Variants in HEG1 observed in about 807,000 individuals in gnomAD.
The protein encoded by HEG1 is heart development protein with EGF like domains 1, also known as protein HEG homolog 1.
A neutral mutation model predicts 125.6 loss-of-function variants in HEG1; 56 were observed. The observed-to-expected ratio is 0.45, with a 90% CI of 0.36 to 0.56. HEG1 has a LOEUF of 0.56. Among genes scored for constraint, HEG1 ranks in the 20% least tolerant of loss-of-function variants. HEG1 has a pLI of 0.00. For synonymous variants in HEG1, 644 were observed against 668.5 expected, an observed-to-expected ratio of 0.96 and a Z score of 0.57; for missense variants, 1,523 against 1,670.0, an observed-to-expected ratio of 0.91 and a Z score of 1.53.
chr3:125,050,142 CTTT>C lies in HEG1; in HGVS notation c.316+5430_316+5432del, dbSNP rs35715939. Among the ~76,000 whole-genome samples, 76 of 113,540 alleles carry C rather than the reference CTTT, an allele frequency of 6.7e-4. 2 individuals are homozygous for C. In the South Asian group the frequency reaches 0.02, roughly 30 times the overall value. 74.5% of individuals were successfully genotyped at this position (113,540 alleles called of 152,430 possible). Reference sequence around the variant, plus strand: ...TGGATGCCATTCATCCACCAACTCTCTTTTTTTTTTTTTTTTTTTGAGATGAAG... The same window carrying C: ...TGGATGCCATTCATCCACCAACTCTCTTTTTTTTTTTTTTTTGAGATGAAG... On this transcript the variant is annotated intron_variant, in intron 1 of 16. Transcript: ENST00000311127.
chr3:124,976,960 G>A (rs1219227017), intron 15 of HEG1, among the ~76,000 whole-genome samples: 1 of 152,138 alleles, frequency 6.6e-6, no homozygotes, highest in East Asian at 1.9e-4. Context: ...CATTGATATG[G>A]TTCGGCTATG....
intron 3 of HEG1, among the ~76,000 whole-genome samples, chr3:125,026,359 A>T (rs1937414556): frequency 6.6e-6 from 1 of 152,110 alleles, no homozygotes; most frequent in Admixed American, 6.6e-5. Flanking sequence ...CTGGGCAGAG[A>T]GGCATTAGAT....
chr3:125,030,927 C>T (rs907943294), intron 1 of HEG1, among the ~76,000 whole-genome samples: 8 of 152,094 alleles, frequency 5.3e-5, no homozygotes. Context: ...GGAAATAATG[C>T]TGTTGAGTAT....
At position 125,013,575 on chromosome 3, in the gene HEG1, A is replaced by AGAGGAGAAGGAGGAAGAG. The variant is rs1553777880; in HGVS notation, c.2003_2004insCTCTTCCTCCTTCTCCTC (p.Ser671_Ser672insPheSerSerSerSerSer). The AGAGGAGAAGGAGGAAGAG allele has an allele frequency of 3.2e-6, 5 of 1,577,716 alleles. No individual in the cohort carries two copies. The East Asian group carries it at 1.2e-4, about 38-fold the overall frequency. On this transcript the variant is annotated inframe_insertion, in exon 6 of 17. Coordinates refer to ENST00000311127, the MANE Select transcript of HEG1 (RefSeq NM_020733.2). Reference sequence around the variant, plus strand: ...GCAAAGGAGGCCCTGAAGAAGAAGAAGAGGAGGAGGAGGAAGAGGAGGAGG... The same window carrying AGAGGAGAAGGAGGAAGAG: ...GCAAAGGAGGCCCTGAAGAAGAAGAAGAGGAGAAGGAGGAAGAGGAGGAGGAGGAGGAAGAGGAGGAGG...
At chr3:124,973,671 T>G (rs2107685792) in intron 16 of HEG1, 60 bp downstream of exon 16, 1 of 1,346,198 alleles carries the variant, frequency 7.4e-7, no homozygotes, top group African/African-American at 1.5e-5. Flanking sequence ...CAAAACAGAA[T>G]TCCTTTACTT....
intron 1 of HEG1, among the ~76,000 whole-genome samples, chr3:125,039,187 T>A (rs1024175661): frequency 1.3e-5 from 2 of 152,090 alleles, no homozygotes; most frequent in Non-Finnish European, 2.9e-5. Context: ...GTTTTTTTTT[T>A]CCTCCTAATT....
At chr3:125,002,791 C>T (rs997594613) in intron 9 of HEG1, among the ~76,000 whole-genome samples, 7 of 152,130 alleles carry the variant, frequency 4.6e-5, no homozygotes, top group African/African-American at 1.7e-4. Flanking sequence ...AAAGGCTCTC[C>T]GTGAGAAATT....
intron 14 of HEG1, among the ~76,000 whole-genome samples, chr3:124,982,762 CG>C (rs1936675574): frequency 6.6e-6 from 1 of 152,164 alleles, no homozygotes; most frequent in Non-Finnish European, 1.5e-5. Context: ...CATCTGCAGC[CG>C]GGGGTGGGCA....
At chr3:125,055,345 T>G (rs528769668) in intron 1 of HEG1, among the ~76,000 whole-genome samples, 1 of 152,278 alleles carries the variant, frequency 6.6e-6, no homozygotes, top group African/African-American at 2.4e-5. Context: ...GGAAATAAGT[T>G]TTCTTCCAAA....
chr3:125,014,851 T>C (rs1428525614), intron 5 of HEG1: 4 of 1,289,750 alleles, frequency 3.1e-6, no homozygotes, highest in Non-Finnish European at 1.0e-6. Context: ...GTCGTGCTCA[T>C]GCTGGTGTTG....
At chr3:125,039,528 G>A (rs1374655295) in intron 1 of HEG1, among the ~76,000 whole-genome samples, 1 of 152,046 alleles carries the variant, frequency 6.6e-6, no homozygotes, top group Admixed American at 6.6e-5. Flanking sequence ...CAAGCTTCTG[G>A]GGCACACAAT....
intron 14 of HEG1, among the ~76,000 whole-genome samples, chr3:124,985,817 G>A (rs1330545245): frequency 1.3e-5 from 2 of 152,144 alleles, no homozygotes; most frequent in East Asian, 1.9e-4. Context: ...TTGCTCTGTC[G>A]CCCAGGCTGG....
chr3:125,051,109 G>T (rs914423594), intron 1 of HEG1, among the ~76,000 whole-genome samples: 2 of 152,192 alleles, frequency 1.3e-5, no homozygotes, highest in African/African-American at 4.8e-5. Context: ...GCAACCTCTG[G>T]CATCAATAAC....
intron 1 of HEG1, among the ~76,000 whole-genome samples, chr3:125,037,420 T>C (rs1196302194): frequency 6.6e-6 from 1 of 152,150 alleles, no homozygotes; most frequent in Non-Finnish European, 1.5e-5. Context: ...ACAAAGTGTG[T>C]AGGTAGGAGT....
intron 1 of HEG1, among the ~76,000 whole-genome samples, chr3:125,031,209 G>A (rs930915003): frequency 1.3e-5 from 2 of 152,258 alleles, no homozygotes; most frequent in East Asian, 1.9e-4. Context: ...CTGTTACTCT[G>A]GAAAAGTCTG....
At chr3:124,995,850 CTAGCCTG>C (rs1376701986) in intron 12 of HEG1, among the ~76,000 whole-genome samples, 1 of 152,218 alleles carries the variant, frequency 6.6e-6, no homozygotes, top group African/African-American at 2.4e-5. Context: ...ATTGTTAATG[CTAGCCTG>C]TAACTGAAAC....
At chr3:125,005,167 C>A in intron 9 of HEG1, 98 bp downstream of exon 9, 1 of 709,940 alleles carries the variant, frequency 1.4e-6, no homozygotes, top group Non-Finnish European at 2.4e-6. Context: ...AGTGAAGAGC[C>A]CAGGAGACAC....
intron 3 of HEG1, among the ~76,000 whole-genome samples, chr3:125,026,256 T>G (rs1937412831): frequency 6.6e-6 from 1 of 152,162 alleles, no homozygotes; most frequent in African/African-American, 2.4e-5. Context: ...TGCTAATCCC[T>G]ATGTCTTATC....
chr3:125,045,212 T>G (rs1368479202), intron 1 of HEG1, among the ~76,000 whole-genome samples: 1 of 152,226 alleles, frequency 6.6e-6, no homozygotes, highest in Non-Finnish European at 1.5e-5. Context: ...GGCACAGAAC[T>G]GGACTGTAGT....
Sources: allele counts gnomAD v4.1 joint callset (sites outside exome capture counted in the v4.1 genomes callset), GRCh38; gene constraint gnomAD v4.1.1; transcripts MANE v1.5; gene names NCBI Gene and HGNC (gene_info 2026-07-23, HGNC 2026-07-21).